The following CPQ variants were observed in gnomAD, a reference collection of about 807,000 sequenced individuals.
The protein encoded by CPQ is carboxypeptidase Q, also known as Ser-Met dipeptidase.
Under a neutral mutation model 45.7 loss-of-function variants are expected in CPQ, and 37 were observed. The observed-to-expected ratio is 0.81, with a 90% CI of 0.62 to 1.07. CPQ has a LOEUF of 1.07. Ranked by LOEUF, CPQ falls within the 50% of genes least tolerant of loss-of-function variation. CPQ has a pLI of 0.00. For synonymous variants in CPQ, 186 were observed against 205.8 expected, an observed-to-expected ratio of 0.90 and a Z score of 0.82; for missense variants, 537 against 572.9, an observed-to-expected ratio of 0.94 and a Z score of 0.64.
chr8:96,984,233 A>C (rs1463338512), intron 5 of CPQ, among the ~76,000 whole-genome samples: 1 of 152,104 alleles, frequency 6.6e-6, no homozygotes, highest in African/African-American at 2.4e-5. Context: ...TTAGTGTTTT[A>C]GTTATGCCTT....
intron 5 of CPQ, among the ~76,000 whole-genome samples, chr8:96,992,273 A>G (rs972682044): frequency 6.6e-6 from 1 of 152,190 alleles, no homozygotes; most frequent in Admixed American, 6.5e-5. Context: ...AGGAGGATCT[A>G]GACTGTCCAA....
chr8:96,730,880 T>C lies in CPQ; in HGVS notation c.-34-53984T>C, dbSNP rs922462082. Among the ~76,000 whole-genome samples, 38 of 121,492 alleles carry C rather than the reference T, an allele frequency of 3.1e-4. 1 individual carries two copies. The highest frequency in any genetic ancestry group is 5.3e-4 in the South Asian group (2 of 3,758). 79.7% of individuals were successfully genotyped at this position (121,492 alleles called of 152,430 possible). A position where few individuals can be genotyped will look rare whatever the true frequency, so the allele number is the denominator to read the frequency against. ...AACCATACATACATATATATATATA[T>C]ATATATATATATGCATTTTTTTTTA... On this transcript the variant is annotated intron_variant, in intron 1 of 7. Coordinates refer to ENST00000220763, the MANE Select transcript of CPQ (RefSeq NM_016134.4).
chr8:96,883,171 C>G (rs577005519), intron 4 of CPQ, among the ~76,000 whole-genome samples: 1 of 152,154 alleles, frequency 6.6e-6, no homozygotes, highest in Non-Finnish European at 1.5e-5. Flanking sequence ...TTTATCCATT[C>G]AGCAATTGAT....
intron 7 of CPQ, among the ~76,000 whole-genome samples, chr8:97,123,061 A>T (rs1262084285): frequency 9.1e-6 from 1 of 109,446 alleles, no homozygotes; most frequent in African/African-American, 4.1e-5. Context: ...ATAAAATAAA[A>T]TAAAAAAAAT....
intron 1 of CPQ, among the ~76,000 whole-genome samples, chr8:96,751,639 T>G (rs554497063): frequency 6.6e-6 from 1 of 152,336 alleles, no homozygotes; most frequent in Non-Finnish European, 1.5e-5. Context: ...CTCTTTAGTT[T>G]AATTAGATCC....
chr8:96,837,974 T>G (rs901772874), intron 3 of CPQ, among the ~76,000 whole-genome samples: 1 of 152,126 alleles, frequency 6.6e-6, no homozygotes, highest in Non-Finnish European at 1.5e-5. Flanking sequence ...ACTAACACTT[T>G]TCCCACGCAC....
intron 1 of CPQ, among the ~76,000 whole-genome samples, chr8:96,730,566 C>A (rs1809898537): frequency 6.6e-6 from 1 of 152,106 alleles, no homozygotes; most frequent in Non-Finnish European, 1.5e-5. Flanking sequence ...TCCTTCCCCC[C>A]AAAGACTGCT....
intron 4 of CPQ, among the ~76,000 whole-genome samples, chr8:96,927,491 C>A (rs1244780589): frequency 2.0e-5 from 3 of 152,130 alleles, no homozygotes; most frequent in Non-Finnish European, 4.4e-5. Context: ...AGGCCAAGCC[C>A]CAGGGGCTCC....
intron 5 of CPQ, among the ~76,000 whole-genome samples, chr8:96,994,370 C>G (rs191788812): frequency 2.0e-3 from 312 of 152,244 alleles, no homozygotes; most frequent in Middle Eastern, 6.8e-3. Context: ...ATGATCTCAG[C>G]TGTCTACAGC....
chr8:96,778,387 A>G (rs1305449953), intron 1 of CPQ, among the ~76,000 whole-genome samples: 5 of 152,178 alleles, frequency 3.3e-5, no homozygotes, highest in African/African-American at 1.2e-4. Flanking sequence ...ATGATTATGC[A>G]TTCCAGCCAG....
intron 2 of CPQ, among the ~76,000 whole-genome samples, chr8:96,812,310 A>G (rs1049331255): frequency 4.6e-5 from 7 of 152,126 alleles, no homozygotes; most frequent in African/African-American, 1.2e-4. Context: ...TTTCCCAGCC[A>G]TTCATGTTTA....
At chr8:96,854,517 CGA>C (rs1811815295) in intron 3 of CPQ, among the ~76,000 whole-genome samples, 1 of 44,222 alleles carries the variant, frequency 2.3e-5, no homozygotes, top group Non-Finnish European at 3.9e-5. Context: ...GGCGACAGAG[CGA>C]GACTCCGTCT....
intron 4 of CPQ, among the ~76,000 whole-genome samples, chr8:96,899,801 A>G (rs1260823424): frequency 1.3e-5 from 2 of 152,210 alleles, no homozygotes; most frequent in East Asian, 3.9e-4. Flanking sequence ...AAACTATATT[A>G]GACATGAAGC....
intron 1 of CPQ, among the ~76,000 whole-genome samples, chr8:96,746,336 T>G (rs1305796814): frequency 1.3e-5 from 2 of 152,224 alleles, no homozygotes; most frequent in African/African-American, 2.4e-5. Context: ...ATTTCTACAA[T>G]GTAATATTAT....
At chr8:96,728,675 A>G (rs1809873717) in intron 1 of CPQ, among the ~76,000 whole-genome samples, 1 of 152,152 alleles carries the variant, frequency 6.6e-6, no homozygotes, top group South Asian at 2.1e-4. Flanking sequence ...TAAATCACAC[A>G]ACTTTTTCTG....
chr8:96,965,895 T>C, intron 4 of CPQ, 40 bp from the exon 5 acceptor site: 1 of 1,298,000 alleles, frequency 7.7e-7, no homozygotes, highest in Non-Finnish European at 1.1e-6. Flanking sequence ...ATGTCATTTT[T>C]GCTTAGTTTT....
chr8:97,119,207 C>T (rs1811650849), intron 7 of CPQ, among the ~76,000 whole-genome samples: 1 of 151,466 alleles, frequency 6.6e-6, no homozygotes, highest in South Asian at 2.1e-4. Flanking sequence ...TGGGTGCCTG[C>T]AATCCAAGCT....
intron 4 of CPQ, among the ~76,000 whole-genome samples, chr8:96,888,598 C>T (rs1398566633): frequency 6.6e-6 from 1 of 152,044 alleles, no homozygotes; most frequent in Non-Finnish European, 1.5e-5. Flanking sequence ...ATTCTGTGTT[C>T]GAATACAGTT....
chr8:96,789,662 A>T (rs1057232448), intron 2 of CPQ, among the ~76,000 whole-genome samples: 2 of 152,192 alleles, frequency 1.3e-5, no homozygotes, highest in African/African-American at 4.8e-5. Context: ...ATCACTTCTG[A>T]GAGGGTGCGG....
Sources: allele counts gnomAD v4.1 joint callset (sites outside exome capture counted in the v4.1 genomes callset), GRCh38; gene constraint gnomAD v4.1.1; transcripts MANE v1.5; gene names NCBI Gene and HGNC (gene_info 2026-07-23, HGNC 2026-07-21).